The following LYPD6 variants were observed in gnomAD, a reference collection of about 807,000 sequenced individuals.
LYPD6 encodes ly6/PLAUR domain-containing protein 6.
In LYPD6, 15 loss-of-function variants were observed where a neutral mutation model predicts 22.7. That is an observed-to-expected ratio of 0.66 (90% CI 0.44 to 1.02). The LOEUF (loss-of-function observed/expected upper bound fraction) is 1.02, where lower values mean the gene tolerates loss of function less well. Among genes scored for constraint, LYPD6 ranks in the 50% least tolerant of loss-of-function variants. The pLI is 0.00. For missense variants in LYPD6, 189 were observed against 208.4 expected (o/e 0.91, Z 0.57); for synonymous variants, 72 against 77.5 (o/e 0.93, Z 0.37).
intron 1 of LYPD6, among the ~76,000 whole-genome samples, chr2:149,381,324 A>G (rs1356006766): frequency 1.3e-5 from 2 of 152,156 alleles, no homozygotes; most frequent in Non-Finnish European, 2.9e-5. Flanking sequence ...GAGAGCAAAA[A>G]GTTAAGATAC....
intron 1 of LYPD6, among the ~76,000 whole-genome samples, chr2:149,334,932 T>A (rs1681007556): frequency 6.6e-6 from 1 of 152,170 alleles, no homozygotes; most frequent in Non-Finnish European, 1.5e-5. Flanking sequence ...ATCTTAGCTG[T>A]GGTGATGTCG....
In LYPD6 at chr2:149,470,655, A is replaced by G. The variant is rs367956167; in HGVS notation, c.349-28A>G. On this transcript the variant is annotated intron_variant, in intron 4 of 4. Coordinates refer to ENST00000334166, the MANE Select transcript of LYPD6 (RefSeq NM_194317.5). ...TCCTTCCAAGACATGCTGGCTTCTCATTATCTTTTTTTCTTCCTTTCTTTC... is the reference window on the plus strand; with the variant it reads ...TCCTTCCAAGACATGCTGGCTTCTCGTTATCTTTTTTTCTTCCTTTCTTTC... 5.1e-5 allele frequency: 81 copies of G among 1,600,504 alleles called. No homozygotes were observed. In the Admixed American group the frequency reaches 1.3e-3, roughly 25 times the overall value.
At chr2:149,393,358 CAG>C (rs1208589755) in intron 1 of LYPD6, among the ~76,000 whole-genome samples, 2 of 152,152 alleles carry the variant, frequency 1.3e-5, no homozygotes. Flanking sequence ...CAACTGAGGT[CAG>C]TGTGCTCATA....
At chr2:149,367,748 A>C (rs1353216703) in intron 1 of LYPD6, 1 of 152,228 alleles carries the variant, frequency 6.6e-6, no homozygotes, top group African/African-American at 2.4e-5. Context: ...AATGCACATA[A>C]AGAACAACCT....
intron 1 of LYPD6, among the ~76,000 whole-genome samples, chr2:149,405,242 G>A (rs1437215803): frequency 6.6e-6 from 1 of 152,038 alleles, no homozygotes; most frequent in Non-Finnish European, 1.5e-5. Context: ...GATGATGCTG[G>A]CCTCATAAAA....
intron 1 of LYPD6, among the ~76,000 whole-genome samples, chr2:149,407,726 C>G (rs548637635): frequency 6.6e-6 from 1 of 152,312 alleles, no homozygotes; most frequent in African/African-American, 2.4e-5. Flanking sequence ...GCCTTCTTCT[C>G]TCAACTTGTG....
intron 1 of LYPD6, among the ~76,000 whole-genome samples, chr2:149,391,269 T>A (rs1682302010): frequency 6.6e-6 from 1 of 152,186 alleles, no homozygotes; most frequent in African/African-American, 2.4e-5. Flanking sequence ...CATAGTTGAG[T>A]GGGGGAACCA....
At position 149,437,621 on chromosome 2, in the gene LYPD6, C is replaced by T; in HGVS notation, c.-71-17C>T. On this transcript the variant is annotated splice_polypyrimidine_tract_variant and intron_variant, in intron 1 of 4. Transcript: ENST00000334166. ...TCTCCAGTCGATCACTGAGATGATT[C>T]TTTCTTCATTTTTCAGGTGCAAGTT... The T allele has an allele frequency of 6.3e-7, 1 of 1,578,964 alleles. No homozygotes were observed. Among genetic ancestry groups the T allele is most frequent in the Non-Finnish European group, 8.6e-7 (1 of 1,162,230 alleles).
intron 1 of LYPD6, among the ~76,000 whole-genome samples, chr2:149,369,811 G>A (rs987883224): frequency 6.6e-6 from 1 of 152,162 alleles, no homozygotes; most frequent in African/African-American, 2.4e-5. Context: ...CTAAGTTTGT[G>A]AAAAGAAGTG....
rs1681373574 is a variant in LYPD6, at chr2:149,472,838, G to T, written c.*1988G>T. ...ATTTAGGTTATGTGGGATGATGTGG[G>T]ATTGAAGAGGAAAGAAAGGTGGGAT... On this transcript the variant is annotated 3_prime_UTR_variant, in exon 5 of 5. Transcript: ENST00000334166. The T allele has an allele frequency of 6.6e-6, 1 of 152,558 alleles. No homozygotes were observed. The highest frequency in any genetic ancestry group is 2.4e-5 in the African/African-American group (1 of 41,428). 9.5% of individuals were successfully genotyped at this position (152,558 alleles called of 1,614,324 possible).
downstream of LYPD6, among the ~76,000 whole-genome samples, chr2:149,475,818 T>C (rs1479020686): frequency 6.6e-6 from 1 of 152,178 alleles, no homozygotes; most frequent in East Asian, 1.9e-4. Flanking sequence ...CATGACCCCA[T>C]TTATAGCTTT....
intron 1 of LYPD6, among the ~76,000 whole-genome samples, chr2:149,370,885 A>C (rs192419614): frequency 1.9e-4 from 29 of 152,300 alleles, no homozygotes; most frequent in African/African-American, 7.0e-4. Context: ...GCTTGAGCCT[A>C]GGACTTCGAA....
At chr2:149,345,270 T>C (rs1440598925) in intron 1 of LYPD6, among the ~76,000 whole-genome samples, 1 of 152,068 alleles carries the variant, frequency 6.6e-6, no homozygotes, top group Non-Finnish European at 1.5e-5. Context: ...AGGCTATGTG[T>C]TTGGTTTGAT....
At chr2:149,398,635 G>T (rs559597540) in intron 1 of LYPD6, among the ~76,000 whole-genome samples, 3 of 152,040 alleles carry the variant, frequency 2.0e-5, no homozygotes, top group Non-Finnish European at 4.4e-5. Context: ...AGCTAGACCT[G>T]CTCCAGCCCT....
At chr2:149,367,924 T>A (rs1239266487) in intron 1 of LYPD6, 2 of 152,244 alleles carry the variant, frequency 1.3e-5, no homozygotes, top group Admixed American at 6.5e-5. Flanking sequence ...TCTCATTAAT[T>A]CCTGGCTGGG....
intron 1 of LYPD6, among the ~76,000 whole-genome samples, chr2:149,421,246 C>T (rs1460454886): frequency 2.0e-5 from 3 of 151,908 alleles, no homozygotes; most frequent in Non-Finnish European, 4.4e-5. Context: ...AAACATTAGC[C>T]CGGCCTGGTG....
intron 1 of LYPD6, among the ~76,000 whole-genome samples, chr2:149,386,015 C>G (rs1682176678): frequency 6.6e-6 from 1 of 152,134 alleles, no homozygotes; most frequent in Admixed American, 6.5e-5. Context: ...CCCCCAAGAC[C>G]TGTAATTAAC....
chr2:149,480,532 C>CT, the LYPD6 span, among the ~76,000 whole-genome samples: 137,051 of 152,066 alleles, frequency 0.9, 61,754 homozygotes, highest in East Asian at 1. Context: ...GGACCCTGAA[C>CT]TTCCTTTCAC....
chr2:149,362,708 G>A (rs1196705), intron 1 of LYPD6, among the ~76,000 whole-genome samples: 84,073 of 151,786 alleles, frequency 0.55, 25,987 homozygotes, highest in East Asian at 0.9. Context: ...CATATGAGAG[G>A]GTGAGAAGTG....
Sources: allele counts gnomAD v4.1 joint callset (sites outside exome capture counted in the v4.1 genomes callset), GRCh38; gene constraint gnomAD v4.1.1; transcripts MANE v1.5; gene names NCBI Gene and HGNC (gene_info 2026-07-23, HGNC 2026-07-21).